The following CCDC171 variants were observed in gnomAD, a reference collection of about 807,000 sequenced individuals.
CCDC171 encodes coiled-coil domain containing 171.
A neutral mutation model predicts 168.2 loss-of-function variants in CCDC171; 177 were observed. The ratio of observed to expected loss-of-function variants is 1.05; its 90% CI spans 0.93 to 1.19. The LOEUF is 1.19. Among genes scored for constraint, CCDC171 ranks in the 50% most tolerant of loss-of-function variants. The pLI, the probability that CCDC171 is intolerant of heterozygous loss-of-function variation, is 0.00. For synonymous variants in CCDC171, 687 were observed against 540.8 expected (o/e 1.27, Z -3.75); for missense variants, 1,991 against 1,539.0 (o/e 1.29, Z -4.91).
intron 16 of CCDC171, among the ~76,000 whole-genome samples, chr9:15,740,482 T>A (rs2054798041): frequency 6.6e-6 from 1 of 152,080 alleles, no homozygotes; most frequent in Non-Finnish European, 1.5e-5. Flanking sequence ...TCACCCAAGC[T>A]AGAGTGCAGT....
chr9:15,957,062 A>G (rs1829870601), intron 25 of CCDC171, among the ~76,000 whole-genome samples: 2 of 149,486 alleles, frequency 1.3e-5, no homozygotes, highest in South Asian at 2.1e-4. Context: ...TTAATGTATC[A>G]CTATAATATT....
chr9:15,956,874 G>C (rs1350196167), intron 25 of CCDC171, among the ~76,000 whole-genome samples: 1 of 151,954 alleles, frequency 6.6e-6, no homozygotes, highest in African/African-American at 2.4e-5. Flanking sequence ...TTAATGCCAG[G>C]TAGTCTTTAT....
intron 6 of CCDC171, among the ~76,000 whole-genome samples, chr9:15,597,318 C>T (rs531956296): frequency 1.3e-5 from 2 of 152,144 alleles, no homozygotes; most frequent in South Asian, 4.1e-4. Flanking sequence ...GAGATACGTC[C>T]CATCAATAGC....
Position 15,675,419 on chromosome 9 carries a change from T to C in CCDC171, c.1077-3339T>C, listed in dbSNP as rs190997337. On this transcript the variant is annotated intron_variant, in intron 9 of 25. Transcript: ENST00000380701. ...TGTGAATCTGATCCTGTCATTATGATGTTAGCTGGTTATTTTGCCTGTTAA... is the reference window on the plus strand; with the variant it reads ...TGTGAATCTGATCCTGTCATTATGACGTTAGCTGGTTATTTTGCCTGTTAA... 7.9e-4 allele frequency among the ~76,000 whole-genome samples: 120 copies of C among 152,240 alleles called. 1 individual carries two copies. The highest frequency in any genetic ancestry group is 8.7e-4 in the Non-Finnish European group (59 of 68,016).
downstream of CCDC171, among the ~76,000 whole-genome samples, chr9:16,062,539 C>T (rs1833945251): frequency 6.6e-6 from 1 of 151,920 alleles, no homozygotes; most frequent in Non-Finnish European, 1.5e-5. Flanking sequence ...CCCCTGTATG[C>T]CCTGAACCTA....
intron 6 of CCDC171, among the ~76,000 whole-genome samples, chr9:15,602,433 G>A (rs1345730719): frequency 2.0e-5 from 3 of 151,640 alleles, no homozygotes; most frequent in African/African-American, 7.3e-5. Context: ...GACAAAACTT[G>A]TTATAATATT....
intron 9 of CCDC171, among the ~76,000 whole-genome samples, chr9:15,673,561 C>G (rs905026654): frequency 6.6e-6 from 1 of 152,060 alleles, no homozygotes; most frequent in Non-Finnish European, 1.5e-5. Context: ...GCATGAAGGG[C>G]TATTGAGTTC....
At chr9:16,088,308 G>A in the CCDC171 span, among the ~76,000 whole-genome samples, 1 of 152,102 alleles carries the variant, frequency 6.6e-6, no homozygotes, top group Non-Finnish European at 1.5e-5. Flanking sequence ...TTTGAAAACT[G>A]GCACAAGACA....
At chr9:16,085,930 A>G in the CCDC171 span, among the ~76,000 whole-genome samples, 2 of 152,080 alleles carry the variant, frequency 1.3e-5, no homozygotes, top group African/African-American at 4.8e-5. Flanking sequence ...AAATTTTTTT[A>G]TTGTTACGTC....
intron 6 of CCDC171, among the ~76,000 whole-genome samples, chr9:15,616,855 C>T: frequency 6.6e-6 from 1 of 152,258 alleles, no homozygotes. Context: ...TTTGGCCATT[C>T]TCACATTGCT....
At chr9:16,028,805 G>A (rs1057421947) in intron 6 of CCDC171, among the ~76,000 whole-genome samples, 11 of 152,202 alleles carry the variant, frequency 7.2e-5, no homozygotes, top group African/African-American at 2.7e-4. Flanking sequence ...TGGCAGGGAT[G>A]CTAGGCATGG....
chr9:15,565,501 C>G (rs909803837), intron 2 of CCDC171, among the ~76,000 whole-genome samples: 12 of 152,052 alleles, frequency 7.9e-5, no homozygotes, highest in Non-Finnish European at 1.5e-4. Flanking sequence ...TTTTTAATGG[C>G]TGAATTACTT....
intron 3 of CCDC171, among the ~76,000 whole-genome samples, chr9:15,988,532 C>A (rs1832075863): frequency 6.6e-6 from 1 of 152,156 alleles, no homozygotes; most frequent in African/African-American, 2.4e-5. Flanking sequence ...CCATTTCCAA[C>A]TGAGGTACCA....
chr9:15,910,131 C>A (rs2987054), intron 24 of CCDC171, among the ~76,000 whole-genome samples: 127,820 of 151,804 alleles, frequency 0.84, 53,953 homozygotes, highest in East Asian at 0.96. Context: ...ACATGAGTTT[C>A]CTTTTTTTAA....
chr9:15,702,492 C>G (rs1285001238), intron 11 of CCDC171, among the ~76,000 whole-genome samples: 1 of 151,926 alleles, frequency 6.6e-6, no homozygotes, highest in African/African-American at 2.4e-5. Context: ...TCTTAAGGGC[C>G]CTAGGATTTT....
chr9:15,860,834 A>C (rs2061526245), intron 23 of CCDC171, among the ~76,000 whole-genome samples: 1 of 151,468 alleles, frequency 6.6e-6, no homozygotes, highest in South Asian at 2.1e-4. Context: ...CCGTTATTGG[A>C]AGTGGGGTAA....
Position 15,912,504 on chromosome 9 carries a change from T to C in CCDC171, c.3601-7766T>C, listed in dbSNP as rs552851006. On this transcript the variant is annotated intron_variant, in intron 24 of 25. Transcript: ENST00000380701. ...TCATGTCATCTGCAAACAGAGGTAA[T>C]TGACTTCTTCTCTTCCTATTTGAAT... 1.8e-3 allele frequency among the ~76,000 whole-genome samples: 275 copies of C among 152,302 alleles called. 2 individuals carry two copies. The highest frequency in any genetic ancestry group is 6.3e-3 in the African/African-American group (263 of 41,558).
intron 8 of CCDC171, among the ~76,000 whole-genome samples, chr9:15,661,140 C>T (rs765162585): frequency 3.9e-5 from 6 of 152,028 alleles, no homozygotes; most frequent in Admixed American, 6.5e-5. Context: ...ATTAGCCGGG[C>T]GTCGTGGCGG....
chr9:15,741,716 G>A (rs1007127620), intron 16 of CCDC171, among the ~76,000 whole-genome samples: 20 of 152,046 alleles, frequency 1.3e-4, no homozygotes, highest in Admixed American at 1.0e-3. Flanking sequence ...TTCTACAAAT[G>A]GAGATAGTTT....
Sources: gnomAD v4.1 joint callset for allele counts (sites outside exome capture counted in the v4.1 genomes callset) on GRCh38, gnomAD v4.1.1 for gene constraint, MANE v1.5 for transcripts, NCBI Gene and HGNC (gene_info 2026-07-23, HGNC 2026-07-21) for gene names.